The following CFAP43 variants were observed in gnomAD, a reference collection of about 807,000 sequenced individuals.
CFAP43 encodes the protein cilia and flagella associated protein 43, also known as cilia- and flagella-associated protein 43.
In CFAP43, 155 loss-of-function variants were observed where a neutral mutation model predicts 218.9. That is an observed-to-expected ratio of 0.71 (90% CI 0.62 to 0.81). The LOEUF (loss-of-function observed/expected upper bound fraction) is 0.81. CFAP43 is among the 30% of genes least tolerant of loss of function. The probability of loss-of-function intolerance (pLI) is 0.00; values close to 1 mark genes in which losing one functional copy is unlikely to be tolerated. For missense variants in CFAP43, 1,778 were observed against 1,954.3 expected (o/e 0.91, Z 1.70); for synonymous variants, 645 against 681.3 (o/e 0.95, Z 0.83).
chr10:104,169,204 C>T (rs1459920194), intron 20 of CFAP43, among the ~76,000 whole-genome samples: 1 of 152,202 alleles, frequency 6.6e-6, no homozygotes, highest in African/African-American at 2.4e-5. Flanking sequence ...CTGGTTGGAA[C>T]AGCAGGGAAG....
Position 104,132,636 on chromosome 10 carries a change from AT to A in CFAP43, c.4597-441del, listed in dbSNP as rs1462086630. On this transcript the variant is annotated intron_variant, in intron 35 of 37. Transcript: ENST00000357060. Reference sequence around the variant, plus strand: ...TCTCAAAAAAAACAAAAAAAGATTGATTTGGCTTTTGTGCCATAATATTTCC... The same window carrying A: ...TCTCAAAAAAAACAAAAAAAGATTGATTGGCTTTTGTGCCATAATATTTCC... The A allele has an allele frequency of 2.3e-4, 231 of 985,376 alleles. 1 individual carries two copies. In the East Asian group the frequency reaches 5.9e-3, roughly 25 times the overall value. 61.0% of individuals were successfully genotyped at this position (985,376 alleles called of 1,614,324 possible).
At chr10:104,153,795 C>T (rs1029890642) in intron 27 of CFAP43, among the ~76,000 whole-genome samples, 2 of 151,406 alleles carry the variant, frequency 1.3e-5, no homozygotes, top group African/African-American at 4.9e-5. Context: ...CTCTCTCTCT[C>T]CCACCCCCTG....
intron 3 of CFAP43, chr10:104,218,882 C>A: frequency 2.0e-6 from 1 of 501,074 alleles, no homozygotes. Context: ...AACAGCCGAG[C>A]AGCATGACAG....
chr10:104,216,120 G>T (rs2091004799), intron 3 of CFAP43, among the ~76,000 whole-genome samples: 1 of 152,094 alleles, frequency 6.6e-6, no homozygotes, highest in African/African-American at 2.4e-5. Context: ...TGAGCAAGTT[G>T]TTCTAAAGTC....
intron 8 of CFAP43, among the ~76,000 whole-genome samples, chr10:104,199,092 TAA>T (rs2090459313): frequency 6.6e-6 from 1 of 152,220 alleles, no homozygotes; most frequent in African/African-American, 2.4e-5. Flanking sequence ...TACCACATGC[TAA>T]ATATAATGGA....
intron 17 of CFAP43, among the ~76,000 whole-genome samples, chr10:104,181,953 A>G (rs2089859590): frequency 6.6e-6 from 1 of 152,168 alleles, no homozygotes; most frequent in African/African-American, 2.4e-5. Flanking sequence ...TTTCTTGTTC[A>G]TGGCTATATC....
Position 104,164,154 on chromosome 10 carries a change from C to T in CFAP43, c.3186G>A (p.Trp1062Ter). 6.2e-7 allele frequency: 1 copy of T among 1,614,166 alleles called. No individual in the cohort carries two copies. Among genetic ancestry groups the T allele is most frequent in the Non-Finnish European group, 8.5e-7 (1 of 1,180,026 alleles). Residue 1062 changes from tryptophan (W) to a stop codon, truncating the protein, a stop_gained, in exon 24 of 38, where the codon TGG becomes TGA. Coordinates refer to ENST00000357060, the MANE Select transcript of CFAP43 (RefSeq NM_025145.7). LOFTEE classifies it high-confidence loss of function. ...TCTCACAGTCTTCAAATTCTGGTTG[C>T]CAGACTGCTTCTTCCAATTCCAGAT... Reference protein sequence around the residue: ...ILDLELEEAVWQPEFEDCEKP... With the variant: ...ILDLELEEAV
At chr10:104,209,321 T>C (rs1031589467) in intron 5 of CFAP43, among the ~76,000 whole-genome samples, 1 of 152,212 alleles carries the variant, frequency 6.6e-6, no homozygotes, top group African/African-American at 2.4e-5. Flanking sequence ...AATCCATGAA[T>C]GATTTAGGGT....
intron 19 of CFAP43, among the ~76,000 whole-genome samples, chr10:104,176,763 CATGG>C (rs1463153687): frequency 6.6e-6 from 1 of 152,182 alleles, no homozygotes; most frequent in Admixed American, 6.5e-5. Context: ...TGAATGACTG[CATGG>C]AACAGAGCAG....
At chr10:104,206,521 G>A (rs1177204876) in intron 6 of CFAP43, among the ~76,000 whole-genome samples, 3 of 152,200 alleles carry the variant, frequency 2.0e-5, no homozygotes, top group Non-Finnish European at 2.9e-5. Context: ...TAGGGAGAGC[G>A]TGAAATCAAG....
chr10:104,224,529 T>C (rs907871353), intron 3 of CFAP43, among the ~76,000 whole-genome samples: 11 of 151,268 alleles, frequency 7.3e-5, no homozygotes, highest in Admixed American at 2.0e-4. Flanking sequence ...CTAAGGTGGG[T>C]GGATCACCTG....
intron 16 of CFAP43, among the ~76,000 whole-genome samples, chr10:104,183,672 A>G (rs1278023861): frequency 6.6e-6 from 1 of 152,174 alleles, no homozygotes; most frequent in Non-Finnish European, 1.5e-5. Flanking sequence ...TACAGGCGTG[A>G]GCCACTGCGC....
chr10:104,163,729 A>G (rs186478216), intron 24 of CFAP43, among the ~76,000 whole-genome samples: 86 of 152,320 alleles, frequency 5.6e-4, no homozygotes, highest in African/African-American at 2.0e-3. Flanking sequence ...GGACTAAGAG[A>G]TTCTAATTCA....
In CFAP43 at chr10:104,131,497, T is replaced by G. The variant is rs2087190912; in HGVS notation, c.4678-13A>C. On this transcript the variant is annotated splice_polypyrimidine_tract_variant and intron_variant, in intron 36 of 37. Coordinates refer to ENST00000357060, the MANE Select transcript of CFAP43 (RefSeq NM_025145.7). ...TCTTTTTGTGCATCTGAAATTTTTG[T>G]TCCCATGACACCCCACAAAATTAAT... 1 of 1,604,762 alleles carries G rather than the reference T, an allele frequency of 6.2e-7. No individual in the cohort carries two copies.
Position 104,140,954 on chromosome 10 carries a change from A to G in CFAP43, c.4319T>C (p.Ile1440Thr). ...TTCTACTTGTCCTTGTTTAAGAAGA[A>G]TTTGGATTGTCAAATTCAACTGGAA... ...VRFQLNLTIQILLKQGQVELE... is the reference protein window; with the variant it reads ...VRFQLNLTIQTLLKQGQVELE... The change falls in exon 34 of 38, where the codon ATT (isoleucine) becomes ACT (threonine). Residue 1440 changes from isoleucine to threonine, a missense_variant. Coordinates refer to ENST00000357060, the MANE Select transcript of CFAP43 (RefSeq NM_025145.7). 6.2e-7 allele frequency: 1 copy of G among 1,613,338 alleles called. No individual in the cohort carries two copies. The highest frequency in any genetic ancestry group is 8.5e-7 in the Non-Finnish European group (1 of 1,179,790).
intron 24 of CFAP43, among the ~76,000 whole-genome samples, chr10:104,163,385 A>G (rs2088979550): frequency 6.6e-6 from 1 of 152,162 alleles, no homozygotes; most frequent in South Asian, 2.1e-4. Context: ...AAACACCACT[A>G]TTATCTTTTG....
At chr10:104,193,620 G>A (rs2090295419) in intron 11 of CFAP43, 1 of 439,154 alleles carries the variant, frequency 2.3e-6, no homozygotes. Context: ...GCTTGTTCAT[G>A]GATAAAACAT....
chr10:104,164,510 G>A (rs2089052204), intron 23 of CFAP43, among the ~76,000 whole-genome samples: 2 of 151,272 alleles, frequency 1.3e-5, no homozygotes, highest in African/African-American at 4.9e-5. Context: ...CCATTCTCCT[G>A]CCTCAGCCTC....
intron 20 of CFAP43, among the ~76,000 whole-genome samples, chr10:104,171,029 T>C (rs1200044193): frequency 6.6e-6 from 1 of 152,194 alleles, no homozygotes; most frequent in Non-Finnish European, 1.5e-5. Flanking sequence ...CAGCCAGATC[T>C]CTCTCTCCCT....
Sources: gnomAD v4.1 joint callset for allele counts (sites outside exome capture counted in the v4.1 genomes callset) on GRCh38, gnomAD v4.1.1 for gene constraint, MANE v1.5 for transcripts, NCBI Gene and HGNC (gene_info 2026-07-23, HGNC 2026-07-21) for gene names.